PRKCE: variants seen among roughly 807,000 people sequenced by gnomAD.
The protein encoded by PRKCE is protein kinase C epsilon type.
PRKCE carries 16 observed loss-of-function variants against 85.4 expected under a neutral mutation model. The observed-to-expected ratio is 0.19, with a 90% CI of 0.13 to 0.28. PRKCE has a LOEUF of 0.28. Among genes scored for constraint, PRKCE ranks in the 10% least tolerant of loss-of-function variants. PRKCE has a pLI of 1.00. For missense variants in PRKCE, 573 were observed against 975.2 expected, an observed-to-expected ratio of 0.59 and a Z score of 5.49; for synonymous variants, 388 against 371.5, an observed-to-expected ratio of 1.04 and a Z score of -0.51.
chr2:45,769,554 C>T (rs1195129494), intron 1 of PRKCE, among the ~76,000 whole-genome samples: 3 of 152,160 alleles, frequency 2.0e-5, no homozygotes, highest in African/African-American at 4.8e-5. Flanking sequence ...AAGAACTAAC[C>T]ATTTTTCATC....
intron 2 of PRKCE, among the ~76,000 whole-genome samples, chr2:45,945,724 A>G (rs937681108): frequency 6.6e-6 from 1 of 152,222 alleles, no homozygotes; most frequent in Non-Finnish European, 1.5e-5. Flanking sequence ...TTTTAAAGAG[A>G]TGCTGCATAA....
rs189848090 is a variant in PRKCE at position 45,771,281 on chromosome 2, G to A, written c.349-71719G>A. On this transcript the variant is annotated intron_variant, in intron 1 of 14. Coordinates refer to ENST00000306156, the MANE Select transcript of PRKCE (RefSeq NM_005400.3). ...GGCAGAAGGCAAAGTGAAAAGGAGC[G>A]AGCAGCATCTGTTTATATAGGGCTC... Among the ~76,000 whole-genome samples, 9 of 152,302 alleles carry A rather than the reference G, an allele frequency of 5.9e-5. No individual in the cohort carries two copies. In the East Asian group the frequency reaches 1.5e-3, roughly 26 times the overall value.
At chr2:45,802,004 T>C (rs1174633892) in intron 1 of PRKCE, among the ~76,000 whole-genome samples, 1 of 151,590 alleles carries the variant, frequency 6.6e-6, no homozygotes, top group Non-Finnish European at 1.5e-5. Context: ...ATTCTAGCAC[T>C]TTAGGAAGGC....
chr2:45,911,275 G>A (rs148645942), intron 2 of PRKCE, among the ~76,000 whole-genome samples: 31 of 152,306 alleles, frequency 2.0e-4, no homozygotes, highest in Admixed American at 7.2e-4. Context: ...TAGCCCCACT[G>A]TTGCACAACC....
intron 2 of PRKCE, among the ~76,000 whole-genome samples, chr2:45,972,746 A>C (rs1702190257): frequency 6.6e-6 from 1 of 152,160 alleles, no homozygotes; most frequent in Non-Finnish European, 1.5e-5. Context: ...TATTCTTGGC[A>C]CTCTTGTTGA....
chr2:45,871,790 G>T (rs1315380378), intron 2 of PRKCE, among the ~76,000 whole-genome samples: 1 of 152,174 alleles, frequency 6.6e-6, no homozygotes, highest in East Asian at 1.9e-4. Context: ...TCCTGAGACT[G>T]CCCCAGAGAG....
chr2:46,053,345 A>G (rs567439903), intron 10 of PRKCE, among the ~76,000 whole-genome samples: 2 of 152,356 alleles, frequency 1.3e-5, no homozygotes, highest in East Asian at 3.9e-4. Context: ...ATTGTGGTAA[A>G]ATATAGGTAA....
In PRKCE at chr2:46,148,235, G is replaced by A. The variant is rs557021559; in HGVS notation, c.1732-2806G>A. On this transcript the variant is annotated intron_variant, in intron 12 of 14. Coordinates refer to ENST00000306156, the MANE Select transcript of PRKCE (RefSeq NM_005400.3). ...TGCCTTCTCCCTTCTCCCTTCTCCC[G>A]AGCTCTGACGCACTTGAGGGGTTGG... Among the ~76,000 whole-genome samples the A allele has an allele frequency of 4.6e-5, 7 of 151,660 alleles. No homozygotes were observed. In the East Asian group the frequency reaches 5.8e-4, roughly 13 times the overall value.
At chr2:46,123,362 T>C (rs17737489) in intron 11 of PRKCE, among the ~76,000 whole-genome samples, 3,353 of 151,780 alleles carry the variant, frequency 0.022, 61 homozygotes, top group Non-Finnish European at 0.034. Flanking sequence ...GAGGCTGAAA[T>C]GAGGATCATT....
intron 2 of PRKCE, among the ~76,000 whole-genome samples, chr2:45,916,438 G>T (rs1697785641): frequency 6.6e-6 from 1 of 151,684 alleles, no homozygotes; most frequent in Non-Finnish European, 1.5e-5. Flanking sequence ...TGGAGATGGG[G>T]GTCTCACTGT....
At chr2:45,769,280 CT>C (rs1306689158) in intron 1 of PRKCE, among the ~76,000 whole-genome samples, 2 of 152,124 alleles carry the variant, frequency 1.3e-5, no homozygotes, top group African/African-American at 4.8e-5. Context: ...GCTGCATTTC[CT>C]TTTTTTCTCC....
At chr2:45,901,562 A>C (rs900052403) in intron 2 of PRKCE, among the ~76,000 whole-genome samples, 1 of 152,338 alleles carries the variant, frequency 6.6e-6, no homozygotes, top group Non-Finnish European at 1.5e-5. Flanking sequence ...AACTAAGGCT[A>C]TTTAAAGCTG....
chr2:45,926,299 C>T (rs1698610223), intron 2 of PRKCE, among the ~76,000 whole-genome samples: 1 of 152,170 alleles, frequency 6.6e-6, no homozygotes, highest in South Asian at 2.1e-4. Flanking sequence ...GGAATCAGTG[C>T]TTTGTTTCAG....
chr2:45,929,169 G>A (rs1210812572), intron 2 of PRKCE, among the ~76,000 whole-genome samples: 1 of 152,044 alleles, frequency 6.6e-6, no homozygotes, highest in South Asian at 2.1e-4. Flanking sequence ...CCTACCACGC[G>A]GGTCAATCTA....
At chr2:46,023,093 A>AAAAAAAAAAG (rs2104890892) in intron 10 of PRKCE, among the ~76,000 whole-genome samples, 1 of 150,180 alleles carries the variant, frequency 6.7e-6, no homozygotes, top group East Asian at 1.9e-4. Flanking sequence ...CCGTCTCAAA[A>AAAAAAAAAAG]AAAAAAAAAA....
At chr2:45,847,704 T>G (rs1691911485) in intron 2 of PRKCE, among the ~76,000 whole-genome samples, 1 of 152,182 alleles carries the variant, frequency 6.6e-6, no homozygotes, top group African/African-American at 2.4e-5. Flanking sequence ...CAGTAATGAG[T>G]TTGCCACATG....
At chr2:46,009,481 C>G (rs554361459) in intron 9 of PRKCE, among the ~76,000 whole-genome samples, 2 of 152,172 alleles carry the variant, frequency 1.3e-5, no homozygotes, top group Non-Finnish European at 2.9e-5. Context: ...TAACATTTCA[C>G]ACCTATTAAG....
At chr2:46,038,579 A>G (rs189264599) in intron 10 of PRKCE, among the ~76,000 whole-genome samples, 1 of 151,598 alleles carries the variant, frequency 6.6e-6, no homozygotes, top group East Asian at 1.9e-4. Flanking sequence ...CAAATGTTCT[A>G]CCAATACTTG....
At chr2:45,803,100 A>C (rs1388805959) in intron 1 of PRKCE, among the ~76,000 whole-genome samples, 1 of 152,240 alleles carries the variant, frequency 6.6e-6, no homozygotes, top group Non-Finnish European at 1.5e-5. Context: ...ATTCCAAAGC[A>C]ATCTTAAAGA....
Sources: allele counts gnomAD v4.1 joint callset (sites outside exome capture counted in the v4.1 genomes callset), GRCh38; gene constraint gnomAD v4.1.1; transcripts MANE v1.5; gene names NCBI Gene and HGNC (gene_info 2026-07-23, HGNC 2026-07-21).